Variants in TENM3 observed in about 807,000 individuals in gnomAD.
The protein encoded by TENM3 is teneurin-3.
A neutral mutation model predicts 255.1 loss-of-function variants in TENM3; 63 were observed. That is an observed-to-expected ratio of 0.25 (90% CI 0.20 to 0.30). TENM3 has a LOEUF of 0.30. Ranked by LOEUF, TENM3 falls within the 10% of genes least tolerant of loss-of-function variation. TENM3 has a pLI of 1.00. For synonymous variants in TENM3, 1,306 were observed against 1,322.3 expected (o/e 0.99, Z 0.27); for missense variants, 2,929 against 3,461.1 (o/e 0.85, Z 3.86).
chr4:181,924,769 C>T, the TENM3 span, among the ~76,000 whole-genome samples: 8 of 152,148 alleles, frequency 5.3e-5, no homozygotes, highest in Non-Finnish European at 1.2e-4. Flanking sequence ...GACCTGAACA[C>T]ACAAAACACA....
chr4:181,549,829 A>G, the TENM3 span, among the ~76,000 whole-genome samples: 1 of 152,212 alleles, frequency 6.6e-6, no homozygotes, highest in Non-Finnish European at 1.5e-5. Flanking sequence ...CTCAGCCCAT[A>G]AAACAAGGAA....
At chr4:182,063,048 C>A in the TENM3 span, among the ~76,000 whole-genome samples, 1 of 152,100 alleles carries the variant, frequency 6.6e-6, no homozygotes, top group African/African-American at 2.4e-5. Context: ...GATAAATGAA[C>A]AATCACAAAG....
chr4:182,698,022 A>G (rs543154819), intron 12 of TENM3: 22 of 152,132 alleles, frequency 1.4e-4, no homozygotes, highest in Non-Finnish European at 2.4e-4. Flanking sequence ...CACCAATTTC[A>G]TCAAAAAAAG....
At chr4:182,741,115 G>A (rs1450827013) in intron 18 of TENM3, among the ~76,000 whole-genome samples, 1 of 152,176 alleles carries the variant, frequency 6.6e-6, no homozygotes, top group Non-Finnish European at 1.5e-5. Context: ...GACGGAGGTT[G>A]CAGTGAGCCA....
the TENM3 span, among the ~76,000 whole-genome samples, chr4:181,942,925 T>G: frequency 1.3e-5 from 2 of 152,214 alleles, no homozygotes; most frequent in Non-Finnish European, 2.9e-5. Flanking sequence ...ATCATTATAT[T>G]CATACCTTTG....
chr4:182,103,116 A>G, the TENM3 span, among the ~76,000 whole-genome samples: 1 of 152,356 alleles, frequency 6.6e-6, no homozygotes, highest in Non-Finnish European at 1.5e-5. Flanking sequence ...TTTCATGGGA[A>G]TTACACTAAA....
At chr4:182,478,422 G>A (rs1164005233) in intron 3 of TENM3, among the ~76,000 whole-genome samples, 5 of 150,936 alleles carry the variant, frequency 3.3e-5, no homozygotes, top group African/African-American at 1.2e-4. Context: ...AATATTTTTA[G>A]GAAAAAAATT....
chr4:182,161,788 TA>T (rs1751285229), intron 1 of TENM3, among the ~76,000 whole-genome samples: 1 of 62,886 alleles, frequency 1.6e-5, no homozygotes, highest in Non-Finnish European at 2.7e-5. Flanking sequence ...TATACACAAA[TA>T]TATGTATATA....
At chr4:182,501,350 A>AT (rs1321716926) in intron 3 of TENM3, among the ~76,000 whole-genome samples, 1 of 137,626 alleles carries the variant, frequency 7.3e-6, no homozygotes, top group Non-Finnish European at 1.6e-5. Context: ...GGTTAAAAAA[A>AT]TAGTTAAAGC....
the TENM3 span, among the ~76,000 whole-genome samples, chr4:181,856,594 G>A: frequency 2.0e-5 from 3 of 152,166 alleles, no homozygotes; most frequent in Admixed American, 6.5e-5. Context: ...GTGCCGAATT[G>A]TTTCTAACAA....
chr4:182,618,602 G>T (rs1749765828), intron 4 of TENM3, among the ~76,000 whole-genome samples: 1 of 149,820 alleles, frequency 6.7e-6, no homozygotes, highest in Non-Finnish European at 1.5e-5. Context: ...AACAAAGCAT[G>T]CCTGCTAAGA....
At chr4:181,838,789 G>T in the TENM3 span, among the ~76,000 whole-genome samples, 1 of 151,552 alleles carries the variant, frequency 6.6e-6, no homozygotes. Flanking sequence ...CTGAAAAATT[G>T]CTAGGAGTTT....
the TENM3 span, among the ~76,000 whole-genome samples, chr4:181,762,583 G>A: frequency 6.6e-6 from 1 of 152,150 alleles, no homozygotes; most frequent in Non-Finnish European, 1.5e-5. Context: ...ACTGCTAAGA[G>A]TTTAACTTTG....
chr4:182,299,014 A>AGGTC (rs2150359970), intron 1 of TENM3, among the ~76,000 whole-genome samples: 1 of 77,152 alleles, frequency 1.3e-5, no homozygotes, highest in African/African-American at 9.5e-5. Flanking sequence ...AAAAAAAAAA[A>AGGTC]AAGAGGTAAT....
chr4:181,857,763 C>T, the TENM3 span, among the ~76,000 whole-genome samples: 1 of 142,276 alleles, frequency 7.0e-6, no homozygotes, highest in South Asian at 2.3e-4. Flanking sequence ...TTCCCCCAAA[C>T]AAAAAAAAAA....
chr4:182,545,272 G>T (rs1741319950), intron 3 of TENM3, among the ~76,000 whole-genome samples: 1 of 152,056 alleles, frequency 6.6e-6, no homozygotes, highest in African/African-American at 2.4e-5. Context: ...TTTTTTGTTT[G>T]TAAGAACTCA....
At chr4:182,566,903 G>A (rs1315608099) in intron 3 of TENM3, among the ~76,000 whole-genome samples, 3 of 152,016 alleles carry the variant, frequency 2.0e-5, no homozygotes, top group Non-Finnish European at 4.4e-5. Context: ...AAATTTATTG[G>A]TATGTATAGT....
chr4:181,816,238 C>T, the TENM3 span, among the ~76,000 whole-genome samples: 2 of 152,178 alleles, frequency 1.3e-5, no homozygotes, highest in Non-Finnish European at 2.9e-5. Flanking sequence ...TCTGCCCAAC[C>T]TTCCAGTCTT....
chr4:181,688,543 A>G, the TENM3 span, among the ~76,000 whole-genome samples: 1 of 152,154 alleles, frequency 6.6e-6, no homozygotes, highest in Non-Finnish European at 1.5e-5. Flanking sequence ...TTTTGCAAGT[A>G]CGTGTCATTG....
Sources: allele counts gnomAD v4.1 joint callset (sites outside exome capture counted in the v4.1 genomes callset), GRCh38; gene constraint gnomAD v4.1.1; transcripts MANE v1.5; gene names NCBI Gene and HGNC (gene_info 2026-07-23, HGNC 2026-07-21).